SCAP: variants seen among roughly 807,000 people sequenced by gnomAD.
SCAP encodes SREBF chaperone, also known as sterol regulatory element-binding protein cleavage-activating protein.
Under a neutral mutation model 123.6 loss-of-function variants are expected in SCAP, and 65 were observed. That is an observed-to-expected ratio of 0.53 (90% CI 0.43 to 0.65). SCAP has a LOEUF of 0.65. SCAP is among the 30% of genes least tolerant of loss of function. The pLI is 0.00. For missense variants in SCAP, 1,398 were observed against 1,712.5 expected, an observed-to-expected ratio of 0.82 and a Z score of 3.24; for synonymous variants, 740 against 726.3, an observed-to-expected ratio of 1.02 and a Z score of -0.30.
At chr3:47,467,045 A>C (rs888172081) in intron 1 of SCAP, among the ~76,000 whole-genome samples, 10 of 151,820 alleles carry the variant, frequency 6.6e-5, no homozygotes, top group Non-Finnish European at 1.5e-4. Flanking sequence ...ATGAGCCAAC[A>C]CTGTAGCACT....
At chr3:47,432,111 G>A (rs181666655) in intron 3 of SCAP, among the ~76,000 whole-genome samples, 4 of 152,116 alleles carry the variant, frequency 2.6e-5, no homozygotes, top group African/African-American at 7.2e-5. Flanking sequence ...AAGATCAGGA[G>A]ATCAAGACCA....
At chr3:47,415,039 T>TA (rs2107744177) in intron 19 of SCAP, 46 bp from the exon 20 acceptor site, 1 of 1,581,092 alleles carries the variant, frequency 6.3e-7, no homozygotes, top group South Asian at 1.2e-5. Flanking sequence ...AAGCAATGGG[T>TA]AGACGGCCCC....
Position 47,419,802 on chromosome 3 carries a change from C to T in SCAP, c.1564-98G>A, listed in dbSNP as rs1705809352. 7.1e-7 allele frequency: 1 copy of T among 1,408,550 alleles called. No homozygotes were observed. Among genetic ancestry groups the T allele is most frequent in the South Asian group, 1.6e-5 (1 of 64,344 alleles). 87.3% of individuals were successfully genotyped at this position (1,408,550 alleles called of 1,614,324 possible). On this transcript the variant is annotated intron_variant, in intron 12 of 22. Coordinates refer to ENST00000265565, the MANE Select transcript of SCAP (RefSeq NM_012235.4). The surrounding 1 kb of genome is among the most constrained non-coding windows in gnomAD (Gnocchi z 5.0). ...GAGGAAGCAGCACAGGGACCTCAGG[C>T]CTGGGGATGGAGAGAGGACACAGGC...
At chr3:47,421,159 G>A in intron 10 of SCAP, 130 bp from the exon 11 acceptor site, 1 of 732,964 alleles carries the variant, frequency 1.4e-6, no homozygotes, top group Non-Finnish European at 2.5e-6. Context: ...GCAGAGATGA[G>A]AGATGCTGGT....
intron 1 of SCAP, among the ~76,000 whole-genome samples, chr3:47,445,874 A>ATTT (rs35996993): frequency 2.4e-5 from 3 of 122,724 alleles, no homozygotes; most frequent in Admixed American, 8.3e-5. Flanking sequence ...CCCTGTCTCA[A>ATTT]TTTTTTTTTT....
At chr3:47,432,674 T>G (rs1706414875) in intron 3 of SCAP, among the ~76,000 whole-genome samples, 1 of 152,084 alleles carries the variant, frequency 6.6e-6, no homozygotes, top group African/African-American at 2.4e-5. Flanking sequence ...TTTTTAAAAT[T>G]TATTTATTTT....
At chr3:47,438,570 T>C (rs1706675899) in intron 2 of SCAP, among the ~76,000 whole-genome samples, 1 of 152,162 alleles carries the variant, frequency 6.6e-6, no homozygotes, top group Admixed American at 6.5e-5. Flanking sequence ...TCCCAGCACT[T>C]TGGGAGGCCG....
chr3:47,442,421 T>A (rs1706843140), intron 2 of SCAP, among the ~76,000 whole-genome samples: 1 of 151,988 alleles, frequency 6.6e-6, no homozygotes, highest in African/African-American at 2.4e-5. Flanking sequence ...CACAAGAAAA[T>A]GACTAGAGAG....
At chr3:47,450,636 C>A (rs2107951763) in intron 1 of SCAP, among the ~76,000 whole-genome samples, 2 of 117,558 alleles carry the variant, frequency 1.7e-5, no homozygotes, top group Non-Finnish European at 3.7e-5. Context: ...CTTTAGCCTG[C>A]CTATAGGCAC....
At position 47,414,173 on chromosome 3, in the gene SCAP, C is replaced by A. The variant is rs553479595; in HGVS notation, c.3594+7G>T. 6.2e-7 allele frequency: 1 copy of A among 1,613,616 alleles called. No homozygotes were observed. Among genetic ancestry groups the A allele is most frequent in the Non-Finnish European group, 8.5e-7 (1 of 1,180,038 alleles). ...CCCAAGAATCCTATGATCCCCATCC[C>A]CTCTACCTGCTGAATGGAGTAGAAC... On this transcript the variant is annotated splice_region_variant and intron_variant, in intron 22 of 22. Coordinates refer to ENST00000265565, the MANE Select transcript of SCAP (RefSeq NM_012235.4).
upstream of SCAP, chr3:47,476,078 A>G (rs1708263085): frequency 6.7e-6 from 1 of 150,274 alleles, no homozygotes; most frequent in African/African-American, 2.5e-5. Context: ...GGAGGGAAGT[A>G]TGGACGGCCG....
intron 6 of SCAP, among the ~76,000 whole-genome samples, chr3:47,426,923 G>A (rs1240862909): frequency 6.6e-6 from 1 of 152,208 alleles, no homozygotes; most frequent in East Asian, 1.9e-4. Flanking sequence ...CCAGGACACT[G>A]AGACCGCCAG....
chr3:47,415,326 G>T, intron 18 of SCAP, 146 bp from the exon 19 acceptor site: 1 of 663,104 alleles, frequency 1.5e-6, no homozygotes. Flanking sequence ...CAGAACAGAT[G>T]CTGGAGCCAG....
intron 2 of SCAP, among the ~76,000 whole-genome samples, chr3:47,436,464 C>G (rs949055166): frequency 9.2e-5 from 14 of 152,054 alleles, no homozygotes; most frequent in Admixed American, 7.2e-4. Context: ...GAAACCCCAT[C>G]TCTACCAAAA....
In SCAP at chr3:47,414,042, C is replaced by T. The variant is rs201494816; in HGVS notation, c.3652G>A (p.Gly1218Ser). Residue 1218 changes from glycine (G) to serine (S), a missense_variant, in exon 23 of 23, where the codon GGC becomes AGC. By Grantham distance (56) the Gly-to-Ser change is moderately conservative. Transcript: ENST00000265565. ...TCCCAAAAGGAGACACAGCCCTGGCCGCCAGTCACCAGCAGGTTGTCTGAG... is the reference window on the plus strand; with the variant it reads ...TCCCAAAAGGAGACACAGCCCTGGCTGCCAGTCACCAGCAGGTTGTCTGAG... ...VISDNLLVTGGQGCVSFWDLN... is the reference protein window; with the variant it reads ...VISDNLLVTGSQGCVSFWDLN... The T allele has an allele frequency of 5.6e-5, 91 of 1,613,346 alleles. No homozygotes were observed. Among genetic ancestry groups the T allele is most frequent in the Non-Finnish European group, 7.0e-5 (83 of 1,180,020 alleles).
At chr3:47,416,918 G>A (rs1407854711) in intron 18 of SCAP, among the ~76,000 whole-genome samples, 2 of 151,758 alleles carry the variant, frequency 1.3e-5, no homozygotes, top group Non-Finnish European at 2.9e-5. Flanking sequence ...GAGCCACCGC[G>A]CCCGGCCACC....
intron 8 of SCAP, 153 bp downstream of exon 8, chr3:47,425,332 G>A: frequency 2.5e-6 from 2 of 791,828 alleles, no homozygotes; most frequent in Non-Finnish European, 3.9e-6. Context: ...GCCAGACAAA[G>A]AAGAGGAAGA....
intron 1 of SCAP, among the ~76,000 whole-genome samples, chr3:47,470,799 T>C (rs1299277534): frequency 6.6e-6 from 1 of 152,070 alleles, no homozygotes; most frequent in East Asian, 1.9e-4. Context: ...GGGGCGAAGG[T>C]TGCAGTGAGC....
chr3:47,436,802 A>C (rs1468204274), intron 2 of SCAP, among the ~76,000 whole-genome samples: 1 of 152,172 alleles, frequency 6.6e-6, no homozygotes, highest in African/African-American at 2.4e-5. Context: ...TATCTAGATC[A>C]AGCTATAGAA....
Sources: allele counts gnomAD v4.1 joint callset (sites outside exome capture counted in the v4.1 genomes callset), GRCh38; gene constraint gnomAD v4.1.1; non-coding constraint Gnocchi (gnomAD v3.1); transcripts MANE v1.5; gene names NCBI Gene and HGNC (gene_info 2026-07-23, HGNC 2026-07-21).